HDHD5: variants seen among roughly 807,000 people sequenced by gnomAD.
HDHD5 encodes haloacid dehalogenase-like hydrolase domain-containing 5.
A neutral mutation model predicts 35.5 loss-of-function variants in HDHD5; 34 were observed. The observed-to-expected ratio is 0.96, with a 90% confidence interval of 0.73 to 1.28. HDHD5 has a LOEUF of 1.28. Among genes scored for constraint, HDHD5 ranks in the 50% most tolerant of loss-of-function variants. HDHD5 has a pLI of 0.00. For missense variants in HDHD5, 589 were observed against 560.2 expected, an observed-to-expected ratio of 1.05 and a Z score of -0.52; for synonymous variants, 248 against 240.6, an observed-to-expected ratio of 1.03 and a Z score of -0.29.
chr22:17,143,904 G>A (rs35625622), intron 4 of HDHD5, among the ~76,000 whole-genome samples: 10 of 152,232 alleles, frequency 6.6e-5, no homozygotes, highest in Non-Finnish European at 1.3e-4. Context: ...TGAGCCAACG[G>A]GCACCTCAAG....
chr22:17,150,058 C>T (rs1447725483), intron 1 of HDHD5, among the ~76,000 whole-genome samples: 3 of 152,148 alleles, frequency 2.0e-5, no homozygotes, highest in Non-Finnish European at 4.4e-5. Context: ...GATCCTCTCG[C>T]CTCAGCTTCC....
At chr22:17,157,258 T>C (rs941672033) in intron 1 of HDHD5, among the ~76,000 whole-genome samples, 5 of 150,154 alleles carry the variant, frequency 3.3e-5, no homozygotes, top group African/African-American at 1.2e-4. Flanking sequence ...AAAGTTAAAC[T>C]AAGGTTAATT....
chr22:17,148,407 C>G (rs778137516), intron 3 of HDHD5, 41 bp downstream of exon 3: 2 of 1,523,218 alleles, frequency 1.3e-6, no homozygotes, highest in South Asian at 1.1e-5. Flanking sequence ...CACCTCAGCC[C>G]TGCCCCTTCC....
At chr22:17,160,649 G>GAAA (rs56071352), upstream of HDHD5, among the ~76,000 whole-genome samples, 12 of 144,464 alleles carry the variant, frequency 8.3e-5, no homozygotes, top group Non-Finnish European at 1.2e-4. Context: ...ACTCCGTCTT[G>GAAA]AAAAAAAAAA....
chr22:17,149,799 T>C, intron 1 of HDHD5, 54 bp from the exon 2 acceptor site: 2 of 1,526,794 alleles, frequency 1.3e-6, no homozygotes, highest in Non-Finnish European at 1.8e-6. Flanking sequence ...AAACAACCCT[T>C]ACAAAGAGAG....
upstream of HDHD5, chr22:17,159,753 G>T (rs911104734): frequency 1.0e-5 from 3 of 293,338 alleles, no homozygotes; most frequent in African/African-American, 4.7e-5. Context: ...ACCTGCTGAC[G>T]CCCTCCCAGC....
rs533345559 is a variant in HDHD5, at chr22:17,155,541, G to A, written c.126+3585C>T. On this transcript the variant is annotated intron_variant, in intron 1 of 7. Transcript: ENST00000336737. ...ATTACAGGCATGACCCACCGCGCCC[G>A]GCCCAAGATCTGCTTTCTTAAAAAT... 5.3e-5 allele frequency among the ~76,000 whole-genome samples: 8 copies of A among 151,994 alleles called. No homozygotes were observed. The South Asian group carries it at 1.2e-3, about 24-fold the overall frequency.
At chr22:17,144,448 C>G (rs988487344) in intron 4 of HDHD5, among the ~76,000 whole-genome samples, 2 of 148,454 alleles carry the variant, frequency 1.3e-5, no homozygotes, top group African/African-American at 5.0e-5. Flanking sequence ...GAGTCTCGCT[C>G]TGTTGCCCAG....
intron 5 of HDHD5, 123 bp from the exon 6 acceptor site, chr22:17,141,356 G>T: frequency 7.0e-7 from 1 of 1,430,536 alleles, no homozygotes; most frequent in Non-Finnish European, 9.1e-7. Flanking sequence ...GCTGGGCAGG[G>T]GCACAGCTCC....
intron 3 of HDHD5, 115 bp downstream of exon 3, chr22:17,148,333 A>T: frequency 1.2e-6 from 1 of 830,324 alleles, no homozygotes; most frequent in Non-Finnish European, 2.0e-6. Context: ...AGCCCACAAC[A>T]TCGCCTGTGT....
At chr22:17,139,704 C>T (rs1001674670) in intron 6 of HDHD5, among the ~76,000 whole-genome samples, 4 of 152,098 alleles carry the variant, frequency 2.6e-5, no homozygotes, top group Non-Finnish European at 5.9e-5. Context: ...CTCCGAGTAG[C>T]TGGGATTACA....
At chr22:17,155,723 A>G (rs1484364941) in intron 1 of HDHD5, among the ~76,000 whole-genome samples, 1 of 152,240 alleles carries the variant, frequency 6.6e-6, no homozygotes, top group Non-Finnish European at 1.5e-5. Context: ...GAAGGTGTAC[A>G]TCAATTATAA....
upstream of HDHD5, among the ~76,000 whole-genome samples, chr22:17,164,091 C>T (rs1310069166): frequency 1.3e-5 from 2 of 152,120 alleles, no homozygotes; most frequent in Non-Finnish European, 2.9e-5. Context: ...CATGGTGGCA[C>T]GCATCTGTAA....
At position 17,137,641 on chromosome 22, in the gene HDHD5, GCA is replaced by G; in HGVS notation, c.*378_*379del. The G allele has an allele frequency of 5.1e-6, 1 of 194,882 alleles. No homozygotes were observed. The highest frequency in any genetic ancestry group is 5.5e-5 in the Admixed American group (1 of 18,080). The allele number at this position is 194,882 out of a possible 1,614,324, so 12.1% of individuals were successfully genotyped here. The stretch of plus-strand genomic sequence containing the variant: ...TGTTAAGACACTCTGCCGACAGGCT[GCA>G]TGCCTTCAGTGCCGGCAAAGGCTCT... On this transcript the variant is annotated 3_prime_UTR_variant, in exon 8 of 8. Transcript: ENST00000336737.
At chr22:17,164,114 G>A (rs1360387961), upstream of HDHD5, among the ~76,000 whole-genome samples, 3 of 152,046 alleles carry the variant, frequency 2.0e-5, no homozygotes, top group Admixed American at 6.6e-5. Flanking sequence ...CCAGCTACTC[G>A]GTAGTCCGAG....
chr22:17,165,172 G>T (rs981127497), intron 1 of HDHD5: 2 of 768,206 alleles, frequency 2.6e-6, no homozygotes, highest in Non-Finnish European at 2.4e-6. Flanking sequence ...AATACTCCTG[G>T]CCTCTCTCTA....
chr22:17,138,765 C>A, intron 6 of HDHD5, 27 bp from the exon 7 acceptor site: 1 of 1,613,398 alleles, frequency 6.2e-7, no homozygotes, highest in South Asian at 1.1e-5. Context: ...CGCAGCAGTT[C>A]AGTCTTCCTG....
At chr22:17,152,869 GCTC>G in intron 1 of HDHD5, among the ~76,000 whole-genome samples, 1 of 152,140 alleles carries the variant, frequency 6.6e-6, no homozygotes, top group Non-Finnish European at 1.5e-5. Flanking sequence ...CAATCTTCCA[GCTC>G]CTCCTCCATG....
intron 1 of HDHD5, among the ~76,000 whole-genome samples, chr22:17,155,727 A>G (rs2061782434): frequency 6.6e-6 from 1 of 152,342 alleles, no homozygotes; most frequent in East Asian, 1.9e-4. Flanking sequence ...GTGTACATCA[A>G]TTATAACAAA....
Sources: allele counts gnomAD v4.1 joint callset (sites outside exome capture counted in the v4.1 genomes callset), GRCh38; gene constraint gnomAD v4.1.1; transcripts MANE v1.5; gene names NCBI Gene and HGNC (gene_info 2026-07-23, HGNC 2026-07-21).